RIT2: variants seen among roughly 807,000 people sequenced by gnomAD.
The protein encoded by RIT2 is GTP-binding protein Rit2.
Under a neutral mutation model 23.7 loss-of-function variants are expected in RIT2, and 24 were observed. That is an observed-to-expected ratio of 1.01 (90% CI 0.73 to 1.43). The LOEUF (loss-of-function observed/expected upper bound fraction) is 1.43, where lower values mean the gene tolerates loss of function less well. Ranked by LOEUF, RIT2 falls within the 40% of genes most tolerant of loss-of-function variation. The probability of loss-of-function intolerance (pLI) is 0.00; values close to 1 mark genes in which losing one functional copy is unlikely to be tolerated. For synonymous variants in RIT2, 107 were observed against 91.1 expected, an observed-to-expected ratio of 1.17 and a Z score of -0.99; for missense variants, 236 against 266.9, an observed-to-expected ratio of 0.88 and a Z score of 0.81.
At chr18:42,950,763 A>T (rs1005803383) in intron 3 of RIT2, among the ~76,000 whole-genome samples, 1 of 151,976 alleles carries the variant, frequency 6.6e-6, no homozygotes, top group Non-Finnish European at 1.5e-5. Flanking sequence ...TTAAAAAAAA[A>T]TGGTATAGAA....
chr18:43,083,994 G>T (rs1913220180), intron 1 of RIT2, among the ~76,000 whole-genome samples: 1 of 152,074 alleles, frequency 6.6e-6, no homozygotes, highest in Non-Finnish European at 1.5e-5. Context: ...ATCTGACAAA[G>T]ATCTAATATC....
intron 4 of RIT2, among the ~76,000 whole-genome samples, chr18:42,912,573 G>T (rs936793992): frequency 9.2e-5 from 14 of 152,044 alleles, no homozygotes; most frequent in African/African-American, 3.1e-4. Flanking sequence ...CTCGTGTTCA[G>T]TAAGGTTAAA....
chr18:42,880,153 T>C (rs1197178296), intron 4 of RIT2, among the ~76,000 whole-genome samples: 1 of 152,120 alleles, frequency 6.6e-6, no homozygotes, highest in Non-Finnish European at 1.5e-5. Flanking sequence ...ATAGTATAGT[T>C]GTGTGGCAAA....
intron 4 of RIT2, among the ~76,000 whole-genome samples, chr18:42,867,874 T>G (rs1310249340): frequency 6.6e-6 from 1 of 152,210 alleles, no homozygotes; most frequent in East Asian, 1.9e-4. Context: ...GGGGGAGCTC[T>G]TAAACCTCTG....
At chr18:42,829,055 G>A (rs1268545874) in intron 4 of RIT2, among the ~76,000 whole-genome samples, 1 of 152,166 alleles carries the variant, frequency 6.6e-6, no homozygotes, top group Non-Finnish European at 1.5e-5. Context: ...AACACTGAAA[G>A]AAATTCCTGG....
Position 42,998,792 on chromosome 18 carries a change from G to A in RIT2, c.161-24645C>T, listed in dbSNP as rs576344596. 5.3e-5 allele frequency among the ~76,000 whole-genome samples: 8 copies of A among 152,184 alleles called. No homozygotes were observed. In the South Asian group the frequency reaches 1.7e-3, roughly 32 times the overall value. On this transcript the variant is annotated intron_variant, in intron 2 of 4. Coordinates refer to ENST00000326695, the MANE Select transcript of RIT2 (RefSeq NM_002930.4). ...AAGGCTGCTCTGTCAGTCTGCAATG[G>A]TGTCTGCAATTAACGCCTCTTCATT...
At chr18:42,978,367 A>C (rs115994266) in intron 2 of RIT2, among the ~76,000 whole-genome samples, 139 of 151,726 alleles carry the variant, frequency 9.2e-4, no homozygotes, top group African/African-American at 3.2e-3. Flanking sequence ...TGGGGAATCT[A>C]GGTCACCTGC....
intron 4 of RIT2, among the ~76,000 whole-genome samples, chr18:42,905,422 C>G (rs1908585144): frequency 2.0e-5 from 3 of 152,108 alleles, no homozygotes; most frequent in African/African-American, 7.2e-5. Context: ...GTAAAACATT[C>G]TGTATTATAT....
At chr18:42,930,453 T>C (rs1168194280) in intron 3 of RIT2, among the ~76,000 whole-genome samples, 1 of 151,832 alleles carries the variant, frequency 6.6e-6, no homozygotes, top group East Asian at 1.9e-4. Flanking sequence ...AAACAAAGTA[T>C]AGAGATATTA....
At chr18:42,768,728 C>T (rs994182966) in intron 4 of RIT2, among the ~76,000 whole-genome samples, 5 of 151,842 alleles carry the variant, frequency 3.3e-5, no homozygotes, top group East Asian at 1.9e-4. Flanking sequence ...GCAGGATATA[C>T]GACCATGCCC....
intron 4 of RIT2, among the ~76,000 whole-genome samples, chr18:42,835,579 T>C (rs545423195): frequency 2.2e-4 from 34 of 152,226 alleles, no homozygotes; most frequent in African/African-American, 8.2e-4. Flanking sequence ...TATGTACAAA[T>C]GATGTGCAGA....
chr18:43,115,248 G>C (rs1050353546), intron 1 of RIT2, among the ~76,000 whole-genome samples, 169 bp downstream of exon 1: 1 of 152,116 alleles, frequency 6.6e-6, no homozygotes, highest in African/African-American at 2.4e-5. Context: ...TGACTCATCA[G>C]CATCGGTTTA....
intron 1 of RIT2, among the ~76,000 whole-genome samples, chr18:43,070,607 G>A (rs1222148217): frequency 6.6e-6 from 1 of 152,152 alleles, no homozygotes; most frequent in East Asian, 1.9e-4. Flanking sequence ...ATGCAGTGGA[G>A]GATAAGGGAA....
intron 1 of RIT2, among the ~76,000 whole-genome samples, chr18:43,086,667 C>T (rs922104846): frequency 2.0e-5 from 3 of 152,070 alleles, no homozygotes; most frequent in Admixed American, 1.3e-4. Context: ...CCCAGGGGCT[C>T]CCGTGACCAG....
chr18:43,033,986 T>C, intron 1 of RIT2, 119 bp from the exon 2 acceptor site: 1 of 622,720 alleles, frequency 1.6e-6, no homozygotes, highest in South Asian at 2.3e-5. Flanking sequence ...GTTATGTGAG[T>C]GACTAATTTA....
At chr18:42,860,086 G>A (rs1001943157) in intron 4 of RIT2, among the ~76,000 whole-genome samples, 1 of 152,064 alleles carries the variant, frequency 6.6e-6, no homozygotes, top group African/African-American at 2.4e-5. Context: ...AATATCCTGG[G>A]GACAAGTCTT....
intron 4 of RIT2, among the ~76,000 whole-genome samples, chr18:42,841,537 G>A (rs1241651734): frequency 1.3e-5 from 2 of 151,882 alleles, no homozygotes; most frequent in Non-Finnish European, 2.9e-5. Context: ...ATTTTTCATT[G>A]TTATATCCTG....
chr18:42,772,877 T>C (rs1913583590), intron 4 of RIT2, among the ~76,000 whole-genome samples: 1 of 152,102 alleles, frequency 6.6e-6, no homozygotes, highest in Admixed American at 6.5e-5. Flanking sequence ...GGAAGCTCTT[T>C]ATACATGTTG....
At chr18:42,898,514 A>G (rs1721471170) in intron 4 of RIT2, among the ~76,000 whole-genome samples, 1 of 152,234 alleles carries the variant, frequency 6.6e-6, no homozygotes. Context: ...AGCAAGCATG[A>G]CATTATTACT....
Sources: gnomAD v4.1 joint callset for allele counts (sites outside exome capture counted in the v4.1 genomes callset) on GRCh38, gnomAD v4.1.1 for gene constraint, MANE v1.5 for transcripts, NCBI Gene and HGNC (gene_info 2026-07-23, HGNC 2026-07-21) for gene names.